The following PIK3R3 variants were observed in gnomAD, a reference collection of about 807,000 sequenced individuals.
PIK3R3 encodes phosphatidylinositol 3-kinase regulatory subunit gamma.
In PIK3R3, 64 loss-of-function variants were observed where a neutral mutation model predicts 62.9. The observed-to-expected ratio is 1.02, with a 90% CI of 0.83 to 1.25. The LOEUF is 1.25. Ranked by LOEUF, PIK3R3 falls within the 50% of genes most tolerant of loss-of-function variation. The probability of loss-of-function intolerance (pLI) is 0.00; values close to 1 mark genes in which losing one functional copy is unlikely to be tolerated. For missense variants in PIK3R3, 614 were observed against 561.6 expected (o/e 1.09, Z -0.94); for synonymous variants, 165 against 189.0 (o/e 0.87, Z 1.04).
chr1:46,049,839 G>T (rs1029466009), intron 7 of PIK3R3, among the ~76,000 whole-genome samples: 1 of 152,068 alleles, frequency 6.6e-6, no homozygotes, highest in Non-Finnish European at 1.5e-5. Flanking sequence ...GAGGAATGGA[G>T]CTGGACGCAG....
chr1:46,074,306 A>T (rs926504497), intron 3 of PIK3R3, among the ~76,000 whole-genome samples: 2 of 146,118 alleles, frequency 1.4e-5, no homozygotes, highest in Admixed American at 1.4e-4. Context: ...AAAAAAAAAA[A>T]AAAAAAAAAA....
the PIK3R3 span, among the ~76,000 whole-genome samples, chr1:46,171,000 A>T: frequency 3.3e-5 from 5 of 152,266 alleles, no homozygotes; most frequent in Admixed American, 1.3e-4. Flanking sequence ...TGTGAACTCC[A>T]TGAATCTAGA....
At chr1:46,049,994 G>A (rs1296283627) in intron 7 of PIK3R3, among the ~76,000 whole-genome samples, 10 of 151,922 alleles carry the variant, frequency 6.6e-5, no homozygotes, top group Middle Eastern at 6.8e-3. Flanking sequence ...GGTGGCGCAC[G>A]CCTGTAATCC....
rs1423063743 is a variant in PIK3R3, at chr1:46,077,164, T to C, written c.314+351A>G. On this transcript the variant is annotated intron_variant, in intron 3 of 9. Transcript: ENST00000262741. ...TGAGTTCTGCTTTCTAAAGTCTGCATTAAGGAAGATAATAGGGTTATTCAA... is the reference window on the plus strand; with the variant it reads ...TGAGTTCTGCTTTCTAAAGTCTGCACTAAGGAAGATAATAGGGTTATTCAA... Among the ~76,000 whole-genome samples, 10 of 152,234 alleles carry C rather than the reference T, an allele frequency of 6.6e-5. No individual in the cohort carries two copies. In the South Asian group the frequency reaches 1.2e-3, roughly 19 times the overall value.
At chr1:46,120,612 T>A (rs1654592272) in intron 1 of PIK3R3, among the ~76,000 whole-genome samples, 1 of 152,160 alleles carries the variant, frequency 6.6e-6, no homozygotes, top group Non-Finnish European at 1.5e-5. Flanking sequence ...CACAGCTAGA[T>A]TTTAACTTTG....
the PIK3R3 span, among the ~76,000 whole-genome samples, chr1:46,166,620 A>C: frequency 6.6e-6 from 1 of 150,544 alleles, no homozygotes; most frequent in Non-Finnish European, 1.5e-5. Flanking sequence ...CCCTTCCCCC[A>C]CCCCTCCTTC....
chr1:46,092,891 C>A (rs1157523042), intron 1 of PIK3R3, among the ~76,000 whole-genome samples: 1 of 152,118 alleles, frequency 6.6e-6, no homozygotes, highest in African/African-American at 2.4e-5. Flanking sequence ...TCTGGCAAGA[C>A]CCCGACTATA....
chr1:46,135,920 C>T (rs187341059), upstream of PIK3R3, among the ~76,000 whole-genome samples: 709 of 151,434 alleles, frequency 4.7e-3, 5 homozygotes, highest in Non-Finnish European at 6.6e-3. Context: ...ATCCCAGCTA[C>T]TCGGGAGGCT....
At chr1:46,087,312 T>G (rs1043122102) in intron 1 of PIK3R3, among the ~76,000 whole-genome samples, 1 of 147,196 alleles carries the variant, frequency 6.8e-6, no homozygotes, top group Non-Finnish European at 1.5e-5. Context: ...TGTTTTAGAA[T>G]GTAAAAAAAA....
chr1:46,087,674 A>G (rs1651214861), intron 1 of PIK3R3, among the ~76,000 whole-genome samples: 1 of 139,112 alleles, frequency 7.2e-6, no homozygotes, highest in African/African-American at 2.7e-5. Context: ...GGCTCAAATG[A>G]TCTTCCTGCC....
chr1:46,083,925 C>A (rs1187481382), intron 1 of PIK3R3, among the ~76,000 whole-genome samples: 1 of 151,804 alleles, frequency 6.6e-6, no homozygotes, highest in South Asian at 2.1e-4. Flanking sequence ...TTACATATAC[C>A]CAAGAAAAAA....
At chr1:46,117,183 A>G (rs1654259629) in intron 1 of PIK3R3, among the ~76,000 whole-genome samples, 1 of 152,182 alleles carries the variant, frequency 6.6e-6, no homozygotes, top group Non-Finnish European at 1.5e-5. Flanking sequence ...CTATAATCCC[A>G]GCACTTTGGG....
intron 1 of PIK3R3, among the ~76,000 whole-genome samples, chr1:46,084,731 A>T (rs1650907414): frequency 6.6e-6 from 1 of 152,228 alleles, no homozygotes; most frequent in Non-Finnish European, 1.5e-5. Context: ...AGAGAGAATG[A>T]CACATAGAAA....
At chr1:46,099,289 G>C (rs1488597467) in intron 1 of PIK3R3, among the ~76,000 whole-genome samples, 1 of 152,168 alleles carries the variant, frequency 6.6e-6, no homozygotes, top group Non-Finnish European at 1.5e-5. Context: ...AGAATTAGAT[G>C]TTTCAATTCA....
At chr1:46,136,854 T>G (rs948596746), upstream of PIK3R3, among the ~76,000 whole-genome samples, 2 of 152,152 alleles carry the variant, frequency 1.3e-5, no homozygotes, top group Non-Finnish European at 2.9e-5. Context: ...TGCTGCAAAC[T>G]TCCCCTCCAA....
intron 1 of PIK3R3, among the ~76,000 whole-genome samples, chr1:46,097,303 G>C (rs942145984): frequency 1.3e-5 from 2 of 152,076 alleles, no homozygotes; most frequent in Admixed American, 6.5e-5. Flanking sequence ...TAGCACTTTG[G>C]GAGGCCATGG....
the PIK3R3 span, among the ~76,000 whole-genome samples, chr1:46,147,799 G>C: frequency 1.3e-5 from 2 of 152,028 alleles, no homozygotes; most frequent in African/African-American, 2.4e-5. Flanking sequence ...ACAGATTTTC[G>C]CTCTTCCGCA....
At chr1:46,104,758 G>A (rs934386445) in intron 1 of PIK3R3, among the ~76,000 whole-genome samples, 2 of 151,656 alleles carry the variant, frequency 1.3e-5, no homozygotes, top group African/African-American at 4.8e-5. Flanking sequence ...GAGAAACCCT[G>A]TCTCTACTAA....
chr1:46,128,890 G>A lies in PIK3R3; in HGVS notation c.106+2957C>T, dbSNP rs192440677. 1.1e-3 allele frequency among the ~76,000 whole-genome samples: 162 copies of A among 152,236 alleles called. 1 individual carries two copies. The highest frequency in any genetic ancestry group is 3.8e-3 in the African/African-American group (157 of 41,542). ...GAGGTCAGGAGTTCGATATCAGCCT[G>A]GTGAAACCCTGTCTCTACTAACAAT... On this transcript the variant is annotated intron_variant, in intron 1 of 9. Coordinates refer to ENST00000262741, the MANE Select transcript of PIK3R3 (RefSeq NM_003629.4).
Sources: allele counts gnomAD v4.1 joint callset (sites outside exome capture counted in the v4.1 genomes callset), GRCh38; gene constraint gnomAD v4.1.1; transcripts MANE v1.5; gene names NCBI Gene and HGNC (gene_info 2026-07-23, HGNC 2026-07-21).